Variants in PLEKHH2 observed in about 807,000 individuals in gnomAD.
PLEKHH2 encodes pleckstrin homology, MyTH4 and FERM domain containing H2, also known as pleckstrin homology domain-containing family H member 2.
In PLEKHH2, 129 loss-of-function variants were observed where a neutral mutation model predicts 187.9. The observed-to-expected ratio is 0.69, with a 90% CI of 0.59 to 0.79. The LOEUF (loss-of-function observed/expected upper bound fraction) is 0.79. Ranked by LOEUF, PLEKHH2 falls within the 30% of genes least tolerant of loss-of-function variation. The probability of loss-of-function intolerance (pLI) is 0.00; values close to 1 mark genes in which losing one functional copy is unlikely to be tolerated. For missense variants in PLEKHH2, 2,076 were observed against 1,751.2 expected (o/e 1.19, Z -3.31); for synonymous variants, 686 against 605.6 (o/e 1.13, Z -1.95).
At chr2:43,758,839 T>C in intron 26 of PLEKHH2, 61 bp from the exon 27 acceptor site, 1 of 1,409,528 alleles carries the variant, frequency 7.1e-7, no homozygotes, top group Non-Finnish European at 9.6e-7. Flanking sequence ...CTTAAGACTA[T>C]GACACACTGT....
chr2:43,742,746 A>G lies in PLEKHH2; in HGVS notation c.3227A>G (p.Glu1076Gly). Residue 1076 changes from glutamate to glycine, a missense_variant, in exon 22 of 30, where the codon GAA becomes GGA. Transcript: ENST00000282406. ...HLKRNADSRTEFGKYAIYCQR... is the reference protein window; with the variant it reads ...HLKRNADSRTGFGKYAIYCQR... ...TCTTAAGTTTTGTATTACAGGACAGAATTTGGAAAATATGCCATTTACTGC... is the reference window on the plus strand; with the variant it reads ...TCTTAAGTTTTGTATTACAGGACAGGATTTGGAAAATATGCCATTTACTGC... 1 of 1,563,414 alleles carries G rather than the reference A, an allele frequency of 6.4e-7. No homozygotes were observed. Among genetic ancestry groups the G allele is most frequent in the Non-Finnish European group, 8.6e-7 (1 of 1,158,646 alleles).
intron 15 of PLEKHH2, among the ~76,000 whole-genome samples, chr2:43,719,691 G>A (rs544133862): frequency 3.3e-5 from 5 of 152,240 alleles, no homozygotes; most frequent in Admixed American, 1.3e-4. Flanking sequence ...CCACCGCCTC[G>A]GCCTCCAAAG....
rs537805063 is a variant in PLEKHH2 at position 43,646,137 on chromosome 2, T to G, written c.123+1341T>G. Among the ~76,000 whole-genome samples, 146 of 152,300 alleles carry G rather than the reference T, an allele frequency of 9.6e-4. 1 individual carries two copies. Among genetic ancestry groups the G allele is most frequent in the African/African-American group, 3.4e-3 (142 of 41,578 alleles). The stretch of plus-strand genomic sequence containing the variant: ...TCAATCAGTCAATGAATCCTGAACT[T>G]CAATGTGCTTTATTTATTGATATTA... On this transcript the variant is annotated intron_variant, in intron 2 of 29. Coordinates refer to ENST00000282406, the MANE Select transcript of PLEKHH2 (RefSeq NM_172069.4).
intron 2 of PLEKHH2, among the ~76,000 whole-genome samples, chr2:43,669,603 A>C (rs1246352172): frequency 1.3e-5 from 2 of 152,278 alleles, no homozygotes; most frequent in East Asian, 1.9e-4. Flanking sequence ...AAGAATTACA[A>C]GTAGAAAAAT....
intron 16 of PLEKHH2, among the ~76,000 whole-genome samples, chr2:43,723,556 C>A (rs1030711196): frequency 6.6e-6 from 1 of 152,192 alleles, no homozygotes; most frequent in Non-Finnish European, 1.5e-5. Context: ...TGACAAGAAT[C>A]TTACTTTCCT....
intron 4 of PLEKHH2, 35 bp downstream of exon 4, chr2:43,692,698 T>G (rs781056816): frequency 6.3e-7 from 1 of 1,582,836 alleles, no homozygotes; most frequent in Admixed American, 1.8e-5. Context: ...TCTAAGTGTG[T>G]GCACTCATTT....
chr2:43,654,298 G>A lies in PLEKHH2; in HGVS notation c.123+9502G>A, dbSNP rs548922973. Reference sequence around the variant, plus strand: ...CAACCTCCACCTCCCCGGTTCAAGCGAGTCTCCTGCCTCAGCCTCCTGAGT... The same window carrying A: ...CAACCTCCACCTCCCCGGTTCAAGCAAGTCTCCTGCCTCAGCCTCCTGAGT... On this transcript the variant is annotated intron_variant, in intron 2 of 29. Transcript: ENST00000282406. 1.1e-4 allele frequency among the ~76,000 whole-genome samples: 17 copies of A among 152,106 alleles called. No homozygotes were observed. In the South Asian group the frequency reaches 1.7e-3, roughly 15 times the overall value.
At chr2:43,733,775 G>A (rs567971428) in intron 19 of PLEKHH2, among the ~76,000 whole-genome samples, 1 of 152,224 alleles carries the variant, frequency 6.6e-6, no homozygotes, top group South Asian at 2.1e-4. Flanking sequence ...GACACTGGGT[G>A]ATGGGTACAT....
intron 2 of PLEKHH2, among the ~76,000 whole-genome samples, chr2:43,668,195 G>T (rs754211199): frequency 1.4e-4 from 22 of 152,056 alleles, no homozygotes; most frequent in Admixed American, 3.3e-4. Flanking sequence ...ACCACTCCTG[G>T]CTAATTTTTG....
chr2:43,758,533 G>A (rs1330087183), intron 26 of PLEKHH2, among the ~76,000 whole-genome samples: 1 of 152,192 alleles, frequency 6.6e-6, no homozygotes, highest in Non-Finnish European at 1.5e-5. Flanking sequence ...GATTACAGGC[G>A]TGAGCCACTG....
intron 2 of PLEKHH2, among the ~76,000 whole-genome samples, chr2:43,652,539 A>G (rs773194874): frequency 5.5e-4 from 84 of 152,264 alleles, no homozygotes; most frequent in African/African-American, 1.8e-3. Flanking sequence ...CCTTTATTCT[A>G]CAGGAGGAGA....
In PLEKHH2 at chr2:43,700,119, T is replaced by TA. The variant is rs1669285801; in HGVS notation, c.1167dup (p.Phe390IlefsTer14). 6.2e-7 allele frequency: 1 copy of TA among 1,613,904 alleles called. No individual in the cohort carries two copies. Among genetic ancestry groups the TA allele is most frequent in the Admixed American group, 1.7e-5 (1 of 59,996 alleles). On this transcript the variant is annotated frameshift_variant, in exon 8 of 30. Coordinates refer to ENST00000282406, the MANE Select transcript of PLEKHH2 (RefSeq NM_172069.4). LOFTEE classifies it high-confidence loss of function. ...AAGATAGTTCCTCGGATGAACTGAA[T>TA]AAAAAATTTCAATCCCAGAGACTCG...
rs553021967 is a variant in PLEKHH2, at chr2:43,644,542, G to A, written c.-3-129G>A. ...GTCTTAGAATTTAAAATTTGTACAT[G>A]GATCTCACTAGACAGTGATTATAAT... On this transcript the variant is annotated intron_variant, in intron 1 of 29. Coordinates refer to ENST00000282406, the MANE Select transcript of PLEKHH2 (RefSeq NM_172069.4). 6.6e-5 allele frequency: 42 copies of A among 639,544 alleles called. No individual in the cohort carries two copies. The South Asian group carries it at 1.4e-3, about 21-fold the overall frequency. 39.6% of individuals were successfully genotyped at this position (639,544 alleles called of 1,614,324 possible).
At chr2:43,719,174 C>T (rs920728013) in intron 15 of PLEKHH2, among the ~76,000 whole-genome samples, 12 of 151,998 alleles carry the variant, frequency 7.9e-5, no homozygotes, top group African/African-American at 2.4e-4. Context: ...TGTGAGTTCC[C>T]GAGAAAGAGA....
At chr2:43,669,670 C>T (rs1467280498) in intron 2 of PLEKHH2, among the ~76,000 whole-genome samples, 1 of 151,340 alleles carries the variant, frequency 6.6e-6, no homozygotes, top group Non-Finnish European at 1.5e-5. Context: ...AAACTCAACA[C>T]ATAATGCTTT....
At chr2:43,688,004 T>C (rs1176109551) in intron 3 of PLEKHH2, among the ~76,000 whole-genome samples, 3 of 152,248 alleles carry the variant, frequency 2.0e-5, no homozygotes, top group Non-Finnish European at 4.4e-5. Flanking sequence ...TCCCACTCTT[T>C]TGCCCAGGCT....
intron 8 of PLEKHH2, 27 bp downstream of exon 8, chr2:43,700,635 T>C: frequency 6.4e-7 from 1 of 1,565,510 alleles, no homozygotes; most frequent in South Asian, 1.2e-5. Context: ...ATGTAACACA[T>C]ACGCAGTAGT....
rs57973493 is a variant in PLEKHH2, at chr2:43,727,410, C to CAAAA, written c.2721+967_2721+970dup. ...CTGGCGACAGAGCGAGACTCCGTCT[C>CAAAA]AAAAAAAAAAAGAACAAAAACAAAA... On this transcript the variant is annotated intron_variant, in intron 17 of 29. Transcript: ENST00000282406. Among the ~76,000 whole-genome samples, 65 of 114,812 alleles carry CAAAA rather than the reference C, an allele frequency of 5.7e-4. 3 individuals carry two copies. Among genetic ancestry groups the CAAAA allele is most frequent in the Middle Eastern group, 9.5e-3 (2 of 210 alleles). 75.3% of individuals were successfully genotyped at this position (114,812 alleles called of 152,430 possible).
intron 9 of PLEKHH2, 140 bp from the exon 10 acceptor site, chr2:43,706,182 A>T: frequency 1.5e-6 from 1 of 675,270 alleles, no homozygotes; most frequent in Middle Eastern, 2.9e-4. Flanking sequence ...TAATCTGTAA[A>T]GTAGACTATA....
Sources: gnomAD v4.1 joint callset for allele counts (sites outside exome capture counted in the v4.1 genomes callset) on GRCh38, gnomAD v4.1.1 for gene constraint, MANE v1.5 for transcripts, NCBI Gene and HGNC (gene_info 2026-07-23, HGNC 2026-07-21) for gene names.